The following STARD13 variants were observed in gnomAD, a reference collection of about 807,000 sequenced individuals.
STARD13 encodes the protein stAR-related lipid transfer protein 13.
STARD13 carries 62 observed loss-of-function variants against 106.4 expected under a neutral mutation model. The ratio of observed to expected loss-of-function variants is 0.58; its 90% CI spans 0.48 to 0.72. The LOEUF is 0.72. Ranked by LOEUF, STARD13 falls within the 30% of genes least tolerant of loss-of-function variation. The pLI is 0.00. For missense variants in STARD13, 1,387 were observed against 1,424.0 expected (o/e 0.97, Z 0.42); for synonymous variants, 565 against 553.0 (o/e 1.02, Z -0.31).
At chr13:33,596,359 C>A in the STARD13 span, among the ~76,000 whole-genome samples, 3 of 152,100 alleles carry the variant, frequency 2.0e-5, no homozygotes, top group South Asian at 6.2e-4. Context: ...AAGTCTCGTA[C>A]CCACAATATA....
the STARD13 span, among the ~76,000 whole-genome samples, chr13:33,597,662 A>G: frequency 3.4e-4 from 52 of 151,714 alleles, no homozygotes; most frequent in Non-Finnish European, 5.3e-4. Context: ...CCTGACCAAC[A>G]TGGAGAAACC....
chr13:33,499,519 TTTCTTCTTCTTCTTCTTCTTC>T, the STARD13 span, among the ~76,000 whole-genome samples: 23 of 91,964 alleles, frequency 2.5e-4, no homozygotes, highest in South Asian at 1.2e-3. Flanking sequence ...TTCTTCTTTC[TTTCTTCTTCTTCTTCTTCTTC>T]TTCTTCTTCT....
At chr13:33,462,688 G>T in the STARD13 span, among the ~76,000 whole-genome samples, 1 of 152,224 alleles carries the variant, frequency 6.6e-6, no homozygotes, top group Non-Finnish European at 1.5e-5. Flanking sequence ...AGGGCAGGAA[G>T]CGTCCAGCAT....
chr13:33,533,281 C>CA, the STARD13 span, among the ~76,000 whole-genome samples: 1 of 152,120 alleles, frequency 6.6e-6, no homozygotes, highest in Non-Finnish European at 1.5e-5. Flanking sequence ...GATATGAAAA[C>CA]AAAAGAGAAG....
the STARD13 span, among the ~76,000 whole-genome samples, chr13:33,630,004 C>T: frequency 6.6e-6 from 1 of 152,132 alleles, no homozygotes; most frequent in Non-Finnish European, 1.5e-5. Flanking sequence ...TTTATTGAAT[C>T]TGATATAATT....
chr13:33,253,567 C>T (rs1032555627), intron 1 of STARD13, among the ~76,000 whole-genome samples: 1 of 152,202 alleles, frequency 6.6e-6, no homozygotes, highest in Non-Finnish European at 1.5e-5. Context: ...AGCTGCAGCA[C>T]TGCTGGGTGA....
In STARD13 at chr13:33,162,664, C is replaced by A. The variant is rs555864957; in HGVS notation, c.323+2673G>T. On this transcript the variant is annotated intron_variant, in intron 3 of 13. Coordinates refer to ENST00000336934, the MANE Select transcript of STARD13 (RefSeq NM_178006.4). ...CACCAGTCTCTTTGCTAAAACATAACAAGAGTCACCTTTGCTCCTGTTCCC... is the reference window on the plus strand; with the variant it reads ...CACCAGTCTCTTTGCTAAAACATAAAAAGAGTCACCTTTGCTCCTGTTCCC... Among the ~76,000 whole-genome samples, 7 of 152,310 alleles carry A rather than the reference C, an allele frequency of 4.6e-5. No individual in the cohort carries two copies. The East Asian group carries it at 1.2e-3, about 25-fold the overall frequency.
At chr13:33,266,763 C>T (rs1215331505) in intron 1 of STARD13, among the ~76,000 whole-genome samples, 2 of 152,178 alleles carry the variant, frequency 1.3e-5, no homozygotes, top group Admixed American at 1.3e-4. Context: ...GCCATACGCT[C>T]CCTTGAATTG....
the STARD13 span, among the ~76,000 whole-genome samples, chr13:33,655,685 TC>T: frequency 6.6e-5 from 10 of 152,164 alleles, no homozygotes; most frequent in African/African-American, 2.4e-4. Flanking sequence ...CATCTTTGAC[TC>T]CCAAGAATTC....
the STARD13 span, among the ~76,000 whole-genome samples, chr13:33,364,439 CTT>C: frequency 2.0e-5 from 3 of 152,276 alleles, no homozygotes; most frequent in Admixed American, 1.3e-4. Context: ...ATGGGTTACT[CTT>C]AATATTTAAG....
the STARD13 span, among the ~76,000 whole-genome samples, chr13:33,390,084 G>A: frequency 2.6e-5 from 4 of 152,074 alleles, no homozygotes; most frequent in African/African-American, 9.7e-5. Context: ...GTGGAATCTA[G>A]ATTAGAAGAA....
At chr13:33,478,372 T>A in the STARD13 span, among the ~76,000 whole-genome samples, 1 of 152,230 alleles carries the variant, frequency 6.6e-6, no homozygotes, top group East Asian at 1.9e-4. Flanking sequence ...CTAAAATTAC[T>A]ATTGAGGACC....
At chr13:33,152,557 A>G (rs1030760301) in intron 3 of STARD13, among the ~76,000 whole-genome samples, 1 of 152,202 alleles carries the variant, frequency 6.6e-6, no homozygotes. Context: ...AGGAATGAGG[A>G]ACAACTAATG....
the STARD13 span, among the ~76,000 whole-genome samples, chr13:33,554,319 G>A: frequency 6.6e-6 from 1 of 152,208 alleles, no homozygotes; most frequent in Non-Finnish European, 1.5e-5. Context: ...TGAAGGCAGT[G>A]ATGGTGGCAG....
chr13:33,112,721 C>A lies in STARD13; in HGVS notation c.2492G>T (p.Arg831Leu), dbSNP rs768401147. ...LNLLKKESSP[R>L]VIQKKYATGK... ...GTTGTTACTGAGAAAAAAAACCCAC[C>A]GTGGAGAGCTTTCTTTCTTCAATAA... Residue 831 changes from arginine (R) to leucine (L), a missense_variant and splice_region_variant, in exon 9 of 14, where the codon CGA becomes CTA. Coordinates refer to ENST00000336934, the MANE Select transcript of STARD13 (RefSeq NM_178006.4). 5 of 1,588,708 alleles carry A rather than the reference C, an allele frequency of 3.1e-6. No homozygotes were observed. Among genetic ancestry groups the A allele is most frequent in the Non-Finnish European group, 4.3e-6 (5 of 1,168,522 alleles).
chr13:33,134,873 C>G (rs867019362), intron 4 of STARD13, among the ~76,000 whole-genome samples: 1 of 152,234 alleles, frequency 6.6e-6, no homozygotes, highest in African/African-American at 2.4e-5. Flanking sequence ...AGTTCAACAG[C>G]CCTTCCTGCT....
chr13:33,623,669 C>T, the STARD13 span, among the ~76,000 whole-genome samples: 1 of 151,912 alleles, frequency 6.6e-6, no homozygotes, highest in Non-Finnish European at 1.5e-5. Context: ...AAAAGACAAC[C>T]AAATCAACAA....
At chr13:33,519,228 C>T in the STARD13 span, among the ~76,000 whole-genome samples, 2 of 147,924 alleles carry the variant, frequency 1.4e-5, no homozygotes, top group South Asian at 4.3e-4. Flanking sequence ...TTCTTTCTTT[C>T]TTTCTTTCTT....
chr13:33,432,625 T>C, the STARD13 span, among the ~76,000 whole-genome samples: 2 of 152,210 alleles, frequency 1.3e-5, no homozygotes, highest in Admixed American at 6.5e-5. Context: ...GGTACTATAT[T>C]TATTTATATG....
Sources: allele counts gnomAD v4.1 joint callset (sites outside exome capture counted in the v4.1 genomes callset), GRCh38; gene constraint gnomAD v4.1.1; transcripts MANE v1.5; gene names NCBI Gene and HGNC (gene_info 2026-07-23, HGNC 2026-07-21).